EGLN3: variants seen among roughly 807,000 people sequenced by gnomAD.
EGLN3 encodes prolyl hydroxylase EGLN3.
EGLN3 carries 15 observed loss-of-function variants against 26.0 expected under a neutral mutation model. The ratio of observed to expected loss-of-function variants is 0.58; its 90% CI spans 0.39 to 0.89. EGLN3 has a LOEUF of 0.89. Among genes scored for constraint, EGLN3 ranks in the 40% least tolerant of loss-of-function variants. The probability of loss-of-function intolerance (pLI) is 0.00; values close to 1 mark genes in which losing one functional copy is unlikely to be tolerated. For missense variants in EGLN3, 238 were observed against 311.6 expected (o/e 0.76, Z 1.78); for synonymous variants, 147 against 127.2 (o/e 1.16, Z -1.05).
Position 33,925,630 on chromosome 14 carries a change from G to A in EGLN3, c.*261C>T. On this transcript the variant is annotated 3_prime_UTR_variant, in exon 5 of 5. Coordinates refer to ENST00000250457, the MANE Select transcript of EGLN3 (RefSeq NM_022073.4). The stretch of plus-strand genomic sequence containing the variant: ...TTGATAGTATTACCGAATCTATCAG[G>A]TAAACCGCTGGCCGAGTAGGATGTC... The A allele has an allele frequency of 2.0e-6, 1 of 502,206 alleles. No homozygotes were observed. Among genetic ancestry groups the A allele is most frequent in the Non-Finnish European group, 3.6e-6 (1 of 278,392 alleles). The allele number at this position is 502,206 out of a possible 1,614,324, so 31.1% of individuals were successfully genotyped here. A position where few individuals can be genotyped will look rare whatever the true frequency, so the allele number is the denominator to read the frequency against.
chr14:33,945,353 C>T (rs1365353697), intron 1 of EGLN3, among the ~76,000 whole-genome samples: 1 of 152,184 alleles, frequency 6.6e-6, no homozygotes, highest in African/African-American at 2.4e-5. Flanking sequence ...TCTCATGGGC[C>T]CTGGCAACCA....
intron 1 of EGLN3, among the ~76,000 whole-genome samples, chr14:33,945,459 G>A (rs8020651): frequency 0.031 from 4,681 of 152,254 alleles, 260 homozygotes; most frequent in African/African-American, 0.11. Context: ...CTTTCTCCCA[G>A]GCGATGAAAA....
Position 33,931,114 on chromosome 14 carries a change from G to T in EGLN3, c.459C>A (p.Asn153Lys). The change falls in exon 2 of 5, where the codon AAC (asparagine) becomes AAA (lysine). Residue 153 changes from asparagine to lysine, a missense_variant. Coordinates refer to ENST00000250457, the MANE Select transcript of EGLN3 (RefSeq NM_022073.4). ...GRCITCIYYLNKNWDAKLHGG... is the reference protein window; with the variant it reads ...GRCITCIYYLKKNWDAKLHGG... ...AAAGTACCTTGGCATCCCAATTCTT[G>T]TTCAGATAGTAGATGCAGGTGATGC... is the stretch of plus-strand genomic sequence containing the variant. 1.9e-6 allele frequency: 3 copies of T among 1,614,186 alleles called. No homozygotes were observed. Among genetic ancestry groups the T allele is most frequent in the Non-Finnish European group, 2.5e-6 (3 of 1,180,026 alleles).
intron 1 of EGLN3, among the ~76,000 whole-genome samples, chr14:33,939,083 T>A (rs1449029499): frequency 6.6e-6 from 1 of 152,074 alleles, no homozygotes; most frequent in East Asian, 1.9e-4. Flanking sequence ...CTGAACTTAA[T>A]CCTAAAGTAC....
intron 1 of EGLN3, among the ~76,000 whole-genome samples, chr14:33,946,755 A>G (rs916393086): frequency 6.6e-6 from 1 of 152,196 alleles, no homozygotes; most frequent in Non-Finnish European, 1.5e-5. Flanking sequence ...TCTGCTAAAC[A>G]TTTCATAAAC....
Position 33,950,780 on chromosome 14 carries a change from CCCCA to C in EGLN3, c.-32_-29del. On this transcript the variant is annotated 5_prime_UTR_variant, in exon 1 of 5. Transcript: ENST00000250457. ...CGCCCGCAGAATCGAGGTCCGGGAT[CCCCA>C]GCGTGCAACCAGAGAGGGAACGATC... 1 of 1,402,128 alleles carries C rather than the reference CCCCA, an allele frequency of 7.1e-7. No homozygotes were observed. 86.9% of individuals were successfully genotyped at this position (1,402,128 alleles called of 1,614,324 possible).
chr14:33,936,231 A>G (rs575478792), intron 1 of EGLN3, among the ~76,000 whole-genome samples: 15 of 149,880 alleles, frequency 1.0e-4, no homozygotes, highest in African/African-American at 3.4e-4. Context: ...TGCTGTCTCA[A>G]AAAATATAAA....
At chr14:33,926,791 T>G (rs2064365129) in intron 4 of EGLN3, among the ~76,000 whole-genome samples, 169 bp downstream of exon 4, 1 of 152,224 alleles carries the variant, frequency 6.6e-6, no homozygotes, top group Non-Finnish European at 1.5e-5. Flanking sequence ...GTTTCTGATT[T>G]TTCTAAGAGC....
chr14:33,942,751 T>C (rs920379094), intron 1 of EGLN3, among the ~76,000 whole-genome samples: 1 of 152,220 alleles, frequency 6.6e-6, no homozygotes, highest in Non-Finnish European at 1.5e-5. Flanking sequence ...TATTTTTGTA[T>C]GGCAACAATA....
At chr14:33,942,777 T>C (rs1014791012) in intron 1 of EGLN3, among the ~76,000 whole-genome samples, 2 of 152,218 alleles carry the variant, frequency 1.3e-5, no homozygotes, top group African/African-American at 4.8e-5. Flanking sequence ...TTTGGCCTCA[T>C]TTTGTAAAGA....
chr14:33,925,319 G>C lies in EGLN3; in HGVS notation c.*572C>G, dbSNP rs1340278753. On this transcript the variant is annotated 3_prime_UTR_variant, in exon 5 of 5. Coordinates refer to ENST00000250457, the MANE Select transcript of EGLN3 (RefSeq NM_022073.4). ...GAAAAAAGGAGTGTCTGCCCCATGG[G>C]ACACTTATAAATTGTTCACTATGAC... The C allele has an allele frequency of 1.3e-5, 2 of 152,216 alleles. No individual in the cohort carries two copies. The highest frequency in any genetic ancestry group is 2.9e-5 in the Non-Finnish European group (2 of 68,092). The allele number at this position is 152,216 out of a possible 1,614,324, so 9.4% of individuals were successfully genotyped here.
At position 33,933,744 on chromosome 14, in the gene EGLN3, A is replaced by G. The variant is rs76434482; in HGVS notation, c.358-2529T>C. ...GCACCGAGAAGCAAGCCTGACTTCA[A>G]TAACTAGCCATTCACTTCTGTGCCA... On this transcript the variant is annotated intron_variant, in intron 1 of 4. Transcript: ENST00000250457. 9.7e-4 allele frequency among the ~76,000 whole-genome samples: 147 copies of G among 152,272 alleles called. 2 individuals are homozygous for G. The East Asian group carries it at 0.026, about 27-fold the overall frequency.
chr14:33,929,223 C>T lies in EGLN3; in HGVS notation c.478-11G>A, dbSNP rs1480080532. 1.2e-6 allele frequency: 2 copies of T among 1,613,486 alleles called. No individual in the cohort carries two copies. Among genetic ancestry groups the T allele is most frequent in the Non-Finnish European group, 1.7e-6 (2 of 1,179,794 alleles). ...GATCCCACCATGTAGCTGAAAGACA[C>T]AAAGAAGGGGGATTATTTCTTACCT... On this transcript the variant is annotated splice_polypyrimidine_tract_variant and intron_variant, in intron 2 of 4. Coordinates refer to ENST00000250457, the MANE Select transcript of EGLN3 (RefSeq NM_022073.4).
In EGLN3 at chr14:33,924,596, T is replaced by C. The variant is rs1029360887; in HGVS notation, c.*1295A>G. ...AATATTTCTGGCTCTTTAATGTTCATGGGATTTTCAAGCAAGAAATTAAAG... is the reference window on the plus strand; with the variant it reads ...AATATTTCTGGCTCTTTAATGTTCACGGGATTTTCAAGCAAGAAATTAAAG... On this transcript the variant is annotated 3_prime_UTR_variant, in exon 5 of 5. Transcript: ENST00000250457. 6.6e-6 allele frequency: 1 copy of C among 152,132 alleles called. No homozygotes were observed. The highest frequency in any genetic ancestry group is 1.5e-5 in the Non-Finnish European group (1 of 68,028). 9.4% of individuals were successfully genotyped at this position (152,132 alleles called of 1,614,324 possible).
At position 33,924,272 on chromosome 14, in the gene EGLN3, T is replaced by C. The variant is rs2064345667; in HGVS notation, c.*1619A>G. 1 of 152,226 alleles carries C rather than the reference T, an allele frequency of 6.6e-6. No homozygotes were observed. Among genetic ancestry groups the C allele is most frequent in the African/African-American group, 2.4e-5 (1 of 41,464 alleles). The allele number at this position is 152,226 out of a possible 1,614,324, so 9.4% of individuals were successfully genotyped here. ...CAACAAGTATTTACTGAGCCCTTAC[T>C]ATGTTCCCGGCACTATTTTAGGTGC... On this transcript the variant is annotated 3_prime_UTR_variant, in exon 5 of 5. Coordinates refer to ENST00000250457, the MANE Select transcript of EGLN3 (RefSeq NM_022073.4).
rs1235237283 is a variant in EGLN3 at position 33,950,407 on chromosome 14, C to G, written c.346G>C (p.Glu116Gln). 1 of 1,613,132 alleles carries G rather than the reference C, an allele frequency of 6.2e-7. No individual in the cohort carries two copies. Among genetic ancestry groups the G allele is most frequent in the Admixed American group, 1.7e-5 (1 of 60,030 alleles). The stretch of plus-strand genomic sequence containing the variant: ...CGAGCGCGTCCTACCTTAGACCTCT[C>G]CTTGACGTAGTATTTGCCCAGCCGG... The part of the protein sequence containing the change: ...GSRLGKYYVK[E>Q]RSKAMVACYP... The change falls in exon 1 of 5, where the codon GAG becomes CAG. Residue 116 changes from glutamate (E) to glutamine (Q), a missense_variant. Transcript: ENST00000250457.
chr14:33,950,163 CAA>C (rs774961993), intron 1 of EGLN3: 1 of 596,544 alleles, frequency 1.7e-6, no homozygotes, highest in Non-Finnish European at 3.0e-6. Flanking sequence ...GCCAATATTT[CAA>C]AGTCAACAGA....
Position 33,924,691 on chromosome 14 carries a change from C to T in EGLN3, c.*1200G>A, listed in dbSNP as rs1479917403. ...GCTTTTGCAAAATACGTGCTCAATACCAAGTTATTGAGGCAGTGCGATCTG... is the reference window on the plus strand; with the variant it reads ...GCTTTTGCAAAATACGTGCTCAATATCAAGTTATTGAGGCAGTGCGATCTG... On this transcript the variant is annotated 3_prime_UTR_variant, in exon 5 of 5. Transcript: ENST00000250457. 2.6e-5 allele frequency: 4 copies of T among 152,086 alleles called. No homozygotes were observed. The East Asian group carries it at 7.7e-4, about 29-fold the overall frequency. 9.4% of individuals were successfully genotyped at this position (152,086 alleles called of 1,614,324 possible).
intron 1 of EGLN3, among the ~76,000 whole-genome samples, chr14:33,938,840 C>G (rs1429219101): frequency 6.6e-6 from 1 of 152,236 alleles, no homozygotes; most frequent in African/African-American, 2.4e-5. Context: ...AGTCACACCG[C>G]TCCAAGTCCT....
Sources: allele counts gnomAD v4.1 joint callset (sites outside exome capture counted in the v4.1 genomes callset), GRCh38; gene constraint gnomAD v4.1.1; transcripts MANE v1.5; gene names NCBI Gene and HGNC (gene_info 2026-07-23, HGNC 2026-07-21).